CWF19L2: variants seen among roughly 807,000 people sequenced by gnomAD.
The protein encoded by CWF19L2 is CWF19-like protein 2.
CWF19L2 carries 98 observed loss-of-function variants against 111.7 expected under a neutral mutation model. The ratio of observed to expected loss-of-function variants is 0.88; its 90% CI spans 0.75 to 1.04. The LOEUF (loss-of-function observed/expected upper bound fraction) is 1.04, where lower values mean the gene tolerates loss of function less well. Among genes scored for constraint, CWF19L2 ranks in the 50% least tolerant of loss-of-function variants. CWF19L2 has a pLI of 0.00. For missense variants in CWF19L2, 1,101 were observed against 1,051.4 expected, an observed-to-expected ratio of 1.05 and a Z score of -0.65; for synonymous variants, 351 against 342.9, an observed-to-expected ratio of 1.02 and a Z score of -0.26.
chr11:107,415,067 C>T (rs529499666), intron 10 of CWF19L2, among the ~76,000 whole-genome samples: 1 of 152,292 alleles, frequency 6.6e-6, no homozygotes, highest in East Asian at 1.9e-4. Context: ...CTTACCATGA[C>T]TTTCAAAGCT....
chr11:107,395,116 G>A (rs1025956482), intron 10 of CWF19L2, among the ~76,000 whole-genome samples: 1 of 152,192 alleles, frequency 6.6e-6, no homozygotes, highest in African/African-American at 2.4e-5. Context: ...CGTGTTGTAG[G>A]AGGGACCCGG....
chr11:107,326,969 C>A lies in CWF19L2; in HGVS notation c.2626G>T (p.Ala876Ser). 6.2e-7 allele frequency: 1 copy of A among 1,611,862 alleles called. No individual in the cohort carries two copies. ...RESFEDQRKK[A>S]LQFAQWWKPY... ...TTCCACCACTGAGCAAACTGCAGTG[C>A]TTTTTTCCTCTGATCCTCAAAGCTT... The change falls in exon 18 of 18, where the codon GCA becomes TCA. Residue 876 changes from alanine to serine, a missense_variant. Ala to Ser is a moderately conservative substitution (Grantham distance 99). Coordinates refer to ENST00000282251, the MANE Select transcript of CWF19L2 (RefSeq NM_152434.3).
At chr11:107,335,815 T>C (rs1429623487) in intron 15 of CWF19L2, among the ~76,000 whole-genome samples, 1 of 152,214 alleles carries the variant, frequency 6.6e-6, no homozygotes, top group Non-Finnish European at 1.5e-5. Context: ...AAATAAGTTC[T>C]ATTTAAATAG....
rs141626729 is a variant in CWF19L2 at position 107,426,522 on chromosome 11, C to T, written c.1433+2277G>A. Among the ~76,000 whole-genome samples, 437 of 151,774 alleles carry T rather than the reference C, an allele frequency of 2.9e-3. 4 individuals carry two copies. The highest frequency in any genetic ancestry group is 0.01 in the African/African-American group (417 of 41,448). ...AAAGATACTCACAAAAAATTAAATG[C>T]GGAATTGTTTCTTAGAGCAACAAAG... On this transcript the variant is annotated intron_variant, in intron 8 of 17. Transcript: ENST00000282251.
intron 12 of CWF19L2, among the ~76,000 whole-genome samples, chr11:107,385,973 T>C (rs57587067): frequency 6.6e-6 from 1 of 152,304 alleles, no homozygotes; most frequent in African/African-American, 2.4e-5. Flanking sequence ...TATTTTATGA[T>C]TATTGTGGTT....
intron 3 of CWF19L2, among the ~76,000 whole-genome samples, chr11:107,447,112 A>G (rs1458525681): frequency 6.6e-6 from 1 of 152,200 alleles, no homozygotes; most frequent in Non-Finnish European, 1.5e-5. Context: ...AATAAATGGC[A>G]TCAAACTAGA....
At position 107,353,648 on chromosome 11, in the gene CWF19L2, T is replaced by C; in HGVS notation, c.1961A>G (p.Glu654Gly). 1 of 1,613,842 alleles carries C rather than the reference T, an allele frequency of 6.2e-7. No individual in the cohort carries two copies. Among genetic ancestry groups the C allele is most frequent in the Non-Finnish European group, 8.5e-7 (1 of 1,179,760 alleles). ...AAERERLGEEEENQRKKAIAE... is the reference protein window; with the variant it reads ...AAERERLGEEGENQRKKAIAE... Reference sequence around the variant, plus strand: ...AATAGCTTTTTTCCTTTGGTTCTCTTCCTCTTCACCAAGACGTTCTCTCTC... The same window carrying C: ...AATAGCTTTTTTCCTTTGGTTCTCTCCCTCTTCACCAAGACGTTCTCTCTC... The change falls in exon 13 of 18, where the codon GAA (glutamate) becomes GGA (glycine). Residue 654 changes from glutamate to glycine, a missense_variant. Coordinates refer to ENST00000282251, the MANE Select transcript of CWF19L2 (RefSeq NM_152434.3).
intron 4 of CWF19L2, 151 bp downstream of exon 4, chr11:107,442,788 A>ATGG (rs1861642549): frequency 4.7e-6 from 1 of 214,482 alleles, no homozygotes; most frequent in Non-Finnish European, 7.4e-6. Flanking sequence ...GGAAGGAAGG[A>ATGG]AGGAAGGGAG....
At chr11:107,444,781 T>A (rs911854867) in intron 3 of CWF19L2, among the ~76,000 whole-genome samples, 3 of 152,198 alleles carry the variant, frequency 2.0e-5, no homozygotes, top group Admixed American at 6.5e-5. Context: ...AACCACCCAC[T>A]TAAACCAAGT....
At position 107,454,360 on chromosome 11, in the gene CWF19L2, C is replaced by T. The variant is rs906358576; in HGVS notation, c.339+90G>A. 21 of 1,019,712 alleles carry T rather than the reference C, an allele frequency of 2.1e-5. No individual in the cohort carries two copies. In the Middle Eastern group the frequency reaches 1.7e-3, roughly 85 times the overall value. The allele number at this position is 1,019,712 out of a possible 1,614,324, so 63.2% of individuals were successfully genotyped here. ...ATCATAACTAGTAATATATTTTTTA[C>T]GTTTTCTTGTATTTTAACTTCCCAT... is the stretch of plus-strand genomic sequence containing the variant. On this transcript the variant is annotated intron_variant, in intron 3 of 17. Transcript: ENST00000282251.
chr11:107,406,861 T>C (rs1005870376), intron 10 of CWF19L2, among the ~76,000 whole-genome samples: 2 of 151,736 alleles, frequency 1.3e-5, no homozygotes, highest in Admixed American at 6.6e-5. Flanking sequence ...TCTTATCTCT[T>C]CTGTGTTACT....
intron 14 of CWF19L2, among the ~76,000 whole-genome samples, chr11:107,338,252 T>C (rs1379365475): frequency 6.6e-6 from 1 of 152,100 alleles, no homozygotes; most frequent in Non-Finnish European, 1.5e-5. Flanking sequence ...GTTACCCTTT[T>C]ACAGTCACAG....
chr11:107,406,439 C>G (rs1450819794), intron 10 of CWF19L2, among the ~76,000 whole-genome samples: 1 of 152,148 alleles, frequency 6.6e-6, no homozygotes. Context: ...ACACAAGTAC[C>G]TGGCCAAGGC....
intron 7 of CWF19L2, among the ~76,000 whole-genome samples, chr11:107,429,925 A>G (rs1037038701): frequency 6.6e-6 from 1 of 151,962 alleles, no homozygotes; most frequent in Non-Finnish European, 1.5e-5. Context: ...GCTGAAAACT[A>G]AATTAACCTG....
At chr11:107,328,138 CAAAA>C (rs10578324) in intron 17 of CWF19L2, among the ~76,000 whole-genome samples, 83 of 118,406 alleles carry the variant, frequency 7.0e-4, no homozygotes, top group East Asian at 1.7e-3. Context: ...TGTGGAGACT[CAAAA>C]AAAAAAAAAA....
chr11:107,364,373 T>A (rs1379431848), intron 12 of CWF19L2, among the ~76,000 whole-genome samples: 1 of 148,118 alleles, frequency 6.8e-6, no homozygotes, highest in Non-Finnish European at 1.5e-5. Context: ...AATATACATT[T>A]TTTTCAGCAC....
At chr11:107,382,317 A>G (rs1387874244) in intron 12 of CWF19L2, among the ~76,000 whole-genome samples, 1 of 152,264 alleles carries the variant, frequency 6.6e-6, no homozygotes, top group African/African-American at 2.4e-5. Context: ...TTTGAATGAC[A>G]GTACTGTTTA....
intron 10 of CWF19L2, among the ~76,000 whole-genome samples, chr11:107,397,310 C>CCA (rs1205902815): frequency 6.6e-6 from 1 of 152,152 alleles, no homozygotes; most frequent in African/African-American, 2.4e-5. Context: ...GAAACAGACT[C>CCA]CACGCTGTTG....
intron 12 of CWF19L2, among the ~76,000 whole-genome samples, chr11:107,360,319 T>A (rs563579352): frequency 2.0e-5 from 3 of 152,234 alleles, no homozygotes; most frequent in Non-Finnish European, 4.4e-5. Flanking sequence ...CACAATTTCA[T>A]TCTTTCTTAT....
Sources: gnomAD v4.1 joint callset for allele counts (sites outside exome capture counted in the v4.1 genomes callset) on GRCh38, gnomAD v4.1.1 for gene constraint, MANE v1.5 for transcripts, NCBI Gene and HGNC (gene_info 2026-07-23, HGNC 2026-07-21) for gene names.